Variants in RBFOX1 observed in about 807,000 individuals in gnomAD.
RBFOX1 encodes the protein RNA binding fox-1 homolog 1.
Under a neutral mutation model 57.7 loss-of-function variants are expected in RBFOX1, and 8 were observed. The ratio of observed to expected loss-of-function variants is 0.14; its 90% CI spans 0.08 to 0.25. The LOEUF (loss-of-function observed/expected upper bound fraction) is 0.25, where lower values mean the gene tolerates loss of function less well. Ranked by LOEUF, RBFOX1 falls within the 10% of genes least tolerant of loss-of-function variation. RBFOX1 has a pLI of 1.00. For missense variants in RBFOX1, 611 were observed against 548.5 expected (o/e 1.11, Z -1.14); for synonymous variants, 326 against 222.4 (o/e 1.47, Z -4.15).
intron 3 of RBFOX1, among the ~76,000 whole-genome samples, chr16:6,696,637 C>G (rs546813073): frequency 6.6e-6 from 1 of 152,140 alleles, no homozygotes; most frequent in Non-Finnish European, 1.5e-5. Flanking sequence ...ACTATATTCC[C>G]TTCTGCTATC....
At chr16:6,351,926 G>A (rs1035664497) in intron 2 of RBFOX1, among the ~76,000 whole-genome samples, 1 of 152,110 alleles carries the variant, frequency 6.6e-6, no homozygotes, top group African/African-American at 2.4e-5. Context: ...GGGAGTATAC[G>A]GGAGATGCTG....
rs1567956407 is a variant in RBFOX1 at position 7,265,958 on chromosome 16, G to GTTTTGTTTTT, written c.27+213864_27+213865insGTTTTTTTTT. 3.7e-5 allele frequency among the ~76,000 whole-genome samples: 4 copies of GTTTTGTTTTT among 107,604 alleles called. 1 individual carries two copies. The highest frequency in any genetic ancestry group is 4.6e-5 in the African/African-American group (1 of 21,738). The allele number at this position is 107,604 out of a possible 152,430, so 70.6% of individuals were successfully genotyped here. On this transcript the variant is annotated intron_variant, in intron 4 of 15. Transcript: ENST00000550418. ...GTGAGTGAGTTATGAGATCTGGTGG[G>GTTTTGTTTTT]TTTTTGTTTTTTTTTTTTTTTTTTT...
At chr16:5,624,975 G>A (rs955954125) in intron 3 of RBFOX1, among the ~76,000 whole-genome samples, 12 of 152,178 alleles carry the variant, frequency 7.9e-5, no homozygotes, top group African/African-American at 2.9e-4. Context: ...GGGGCCGTGT[G>A]ATTGAGGGTG....
Position 7,530,654 on chromosome 16 carries a change from G to T in RBFOX1, c.270+12265G>T, listed in dbSNP as rs374166401. On this transcript the variant is annotated intron_variant, in intron 5 of 15. Coordinates refer to ENST00000550418, the MANE Select transcript of RBFOX1 (RefSeq NM_018723.4). ...TCTGGGTCAGGACACTAACCAGGGG[G>T]TCTGGGTTTCTTCCTTTGTATCCCC... Among the ~76,000 whole-genome samples the T allele has an allele frequency of 2.1e-4, 32 of 152,238 alleles. No individual in the cohort carries two copies. In the East Asian group the frequency reaches 4.8e-3, roughly 23 times the overall value.
intron 1 of RBFOX1, among the ~76,000 whole-genome samples, chr16:6,166,194 A>G (rs1673994037): frequency 6.6e-6 from 1 of 152,160 alleles, no homozygotes; most frequent in African/African-American, 2.4e-5. Flanking sequence ...TTGAAATAGG[A>G]CACCAGACCT....
chr16:5,608,912 G>A (rs4786735), intron 3 of RBFOX1, among the ~76,000 whole-genome samples: 24,480 of 152,114 alleles, frequency 0.16, 2,382 homozygotes, highest in East Asian at 0.42. Context: ...AATGCAGTCT[G>A]TTTGCTCAAG....
Position 6,859,129 on chromosome 16 carries a change from A to ATATATATG in RBFOX1, c.-15-192928_-15-192927insTATATATG, listed in dbSNP as rs1567592071. On this transcript the variant is annotated intron_variant, in intron 3 of 15. Transcript: ENST00000550418. Reference sequence around the variant, plus strand: ...AAAAAGTGTATATATATATATATATACATATATATACGTATATATATATGT... The same window carrying ATATATATG: ...AAAAAGTGTATATATATATATATATATATATATGCATATATATACGTATATATATATGT... 5.3e-5 allele frequency among the ~76,000 whole-genome samples: 4 copies of ATATATATG among 75,684 alleles called. 1 individual carries two copies. The highest frequency in any genetic ancestry group is 3.3e-4 in the African/African-American group (4 of 12,268). The allele number at this position is 75,684 out of a possible 152,430, so 49.7% of individuals were successfully genotyped here. A position where few individuals can be genotyped will look rare whatever the true frequency, so the allele number is the denominator to read the frequency against.
At chr16:6,052,707 C>G (rs1322998725) in intron 1 of RBFOX1, among the ~76,000 whole-genome samples, 1 of 151,736 alleles carries the variant, frequency 6.6e-6, no homozygotes, top group Non-Finnish European at 1.5e-5. Context: ...TGGCGTGAAC[C>G]CGGGAGGCGG....
intron 4 of RBFOX1, among the ~76,000 whole-genome samples, chr16:7,492,313 G>GA: frequency 6.6e-6 from 1 of 152,036 alleles, no homozygotes; most frequent in South Asian, 2.1e-4. Flanking sequence ...CCTTGGTGCT[G>GA]AAAAAAATGG....
At chr16:6,230,466 T>A (rs904229369) in intron 1 of RBFOX1, among the ~76,000 whole-genome samples, 1 of 152,186 alleles carries the variant, frequency 6.6e-6, no homozygotes, top group African/African-American at 2.4e-5. Flanking sequence ...GTTCTAAAAC[T>A]TTTGCTTTTA....
intron 1 of RBFOX1, among the ~76,000 whole-genome samples, chr16:5,462,587 T>G (rs1485819225): frequency 6.6e-6 from 1 of 152,162 alleles, no homozygotes; most frequent in Non-Finnish European, 1.5e-5. Context: ...ATTGTGATAG[T>G]TTTGAACTAC....
intron 5 of RBFOX1, among the ~76,000 whole-genome samples, chr16:7,570,135 G>A (rs1166314310): frequency 6.0e-5 from 9 of 149,630 alleles, no homozygotes; most frequent in Admixed American, 4.0e-4. Flanking sequence ...TAATAAATTG[G>A]GTTAAAATGA....
At chr16:5,254,000 G>A (rs1452820181) in intron 1 of RBFOX1, among the ~76,000 whole-genome samples, 1 of 152,082 alleles carries the variant, frequency 6.6e-6, no homozygotes, top group Non-Finnish European at 1.5e-5. Context: ...ACTAGCTCAG[G>A]TACAGCTTCC....
intron 4 of RBFOX1, among the ~76,000 whole-genome samples, chr16:7,397,454 A>G (rs114870489): frequency 2.0e-5 from 3 of 152,288 alleles, no homozygotes; most frequent in South Asian, 2.1e-4. Flanking sequence ...GGGGCATACT[A>G]AGTCTTCCTG....
intron 1 of RBFOX1, among the ~76,000 whole-genome samples, chr16:5,261,321 C>T (rs1369555404): frequency 4.6e-5 from 7 of 152,098 alleles, no homozygotes; most frequent in South Asian, 2.1e-4. Context: ...TCATTCAATT[C>T]ACAAGTTGCT....
At chr16:5,860,164 C>A (rs900743895) in intron 3 of RBFOX1, among the ~76,000 whole-genome samples, 7 of 152,126 alleles carry the variant, frequency 4.6e-5, no homozygotes, top group Admixed American at 2.6e-4. Context: ...CTCACTGCAA[C>A]CTCCGCCTCC....
chr16:7,302,970 C>G (rs1308555003), intron 4 of RBFOX1, among the ~76,000 whole-genome samples: 1 of 152,132 alleles, frequency 6.6e-6, no homozygotes, highest in Admixed American at 6.5e-5. Flanking sequence ...ATAAATAAAC[C>G]ATTGTAATTT....
At chr16:5,267,543 C>G (rs189368222) in intron 1 of RBFOX1, among the ~76,000 whole-genome samples, 11 of 151,876 alleles carry the variant, frequency 7.2e-5, no homozygotes, top group Non-Finnish European at 8.8e-5. Context: ...AGTGATCTGC[C>G]CACCTCAGCC....
At chr16:7,236,796 C>T (rs766639698) in intron 4 of RBFOX1, among the ~76,000 whole-genome samples, 4 of 152,256 alleles carry the variant, frequency 2.6e-5, no homozygotes, top group African/African-American at 9.6e-5. Flanking sequence ...GGCAGACAGT[C>T]CTTGTGCCTG....
Sources: allele counts gnomAD v4.1 joint callset (sites outside exome capture counted in the v4.1 genomes callset), GRCh38; gene constraint gnomAD v4.1.1; transcripts MANE v1.5; gene names NCBI Gene and HGNC (gene_info 2026-07-23, HGNC 2026-07-21).